The following SCLT1 variants were observed in gnomAD, a reference collection of about 807,000 sequenced individuals.
The protein encoded by SCLT1 is sodium channel and clathrin linker 1, also known as sodium channel-associated protein 1.
A neutral mutation model predicts 112.8 loss-of-function variants in SCLT1; 78 were observed. The observed-to-expected ratio is 0.69, with a 90% CI of 0.58 to 0.83. The LOEUF (loss-of-function observed/expected upper bound fraction) is 0.83. SCLT1 is among the 40% of genes least tolerant of loss of function. The probability of loss-of-function intolerance (pLI) is 0.00; values close to 1 mark genes in which losing one functional copy is unlikely to be tolerated. For synonymous variants in SCLT1, 257 were observed against 254.7 expected (o/e 1.01, Z -0.09); for missense variants, 747 against 770.4 (o/e 0.97, Z 0.36).
At position 128,948,580 on chromosome 4, in the gene SCLT1, C is replaced by T. The variant is rs1474929767; in HGVS notation, c.1219-10G>A. Reference sequence around the variant, plus strand: ...GTTTTTCAGCACACTCCTATAAATTCAAGTCATATTGTAAATATATACATT... The same window carrying T: ...GTTTTTCAGCACACTCCTATAAATTTAAGTCATATTGTAAATATATACATT... On this transcript the variant is annotated splice_polypyrimidine_tract_variant and intron_variant, in intron 14 of 20. Coordinates refer to ENST00000281142, the MANE Select transcript of SCLT1 (RefSeq NM_144643.4). 1 of 1,582,944 alleles carries T rather than the reference C, an allele frequency of 6.3e-7. No homozygotes were observed. Among genetic ancestry groups the T allele is most frequent in the Non-Finnish European group, 8.7e-7 (1 of 1,155,744 alleles).
At chr4:129,066,095 C>T (rs998563490) in intron 2 of SCLT1, among the ~76,000 whole-genome samples, 2 of 151,906 alleles carry the variant, frequency 1.3e-5, no homozygotes, top group African/African-American at 4.8e-5. Context: ...ATGTGAGAGG[C>T]TCATATATGC....
intron 13 of SCLT1, among the ~76,000 whole-genome samples, chr4:128,954,707 CAGAT>C (rs1183561544): frequency 6.6e-6 from 1 of 152,082 alleles, no homozygotes; most frequent in Non-Finnish European, 1.5e-5. Flanking sequence ...GTAACAATAA[CAGAT>C]AGAATTTATT....
chr4:129,079,339 A>C (rs576522395), intron 2 of SCLT1, among the ~76,000 whole-genome samples: 1 of 152,340 alleles, frequency 6.6e-6, no homozygotes, highest in South Asian at 2.1e-4. Context: ...AATAAAAAAC[A>C]AGTTAGTTAC....
intron 5 of SCLT1, among the ~76,000 whole-genome samples, chr4:129,025,488 A>C (rs1466523893): frequency 3.5e-4 from 54 of 152,164 alleles, no homozygotes; most frequent in Admixed American, 5.2e-4. Flanking sequence ...CCTTTACAGA[A>C]AAGCAAATGC....
intron 18 of SCLT1, among the ~76,000 whole-genome samples, chr4:128,923,067 T>A (rs1050611793): frequency 6.6e-6 from 1 of 152,136 alleles, no homozygotes; most frequent in African/African-American, 2.4e-5. Context: ...GATATAATTG[T>A]GGGAAATAAG....
At chr4:128,892,493 C>G (rs1357396731) in intron 18 of SCLT1, among the ~76,000 whole-genome samples, 1 of 152,136 alleles carries the variant, frequency 6.6e-6, no homozygotes, top group African/African-American at 2.4e-5. Context: ...AACAGATTAG[C>G]ACTTCCAAAA....
At chr4:128,985,697 T>G (rs901461614) in intron 9 of SCLT1, among the ~76,000 whole-genome samples, 4 of 152,218 alleles carry the variant, frequency 2.6e-5, no homozygotes, top group African/African-American at 9.7e-5. Context: ...TAAAGAAATC[T>G]TTTCCTTTTT....
intron 2 of SCLT1, among the ~76,000 whole-genome samples, chr4:129,053,887 G>A (rs1486715801): frequency 2.0e-5 from 3 of 152,090 alleles, no homozygotes; most frequent in African/African-American, 7.2e-5. Flanking sequence ...TGCAGTGCCT[G>A]TCACCAGTTT....
chr4:128,972,947 A>T (rs553633770), intron 9 of SCLT1, among the ~76,000 whole-genome samples: 2 of 152,330 alleles, frequency 1.3e-5, no homozygotes, highest in Admixed American at 1.3e-4. Context: ...ATATAAGGCC[A>T]GTCAACATCT....
intron 12 of SCLT1, among the ~76,000 whole-genome samples, chr4:128,959,051 T>G (rs948909879): frequency 6.6e-6 from 1 of 152,186 alleles, no homozygotes; most frequent in East Asian, 1.9e-4. Context: ...GTTTTGTGAC[T>G]TCAATAAACT....
intron 15 of SCLT1, among the ~76,000 whole-genome samples, chr4:128,946,404 T>TA (rs34010315): frequency 6.6e-6 from 1 of 152,082 alleles, no homozygotes; most frequent in East Asian, 1.9e-4. Context: ...CCCTGTCATC[T>TA]AAAAAAAGTA....
At chr4:128,985,684 A>T (rs1742028250) in intron 9 of SCLT1, among the ~76,000 whole-genome samples, 1 of 152,218 alleles carries the variant, frequency 6.6e-6, no homozygotes, top group Non-Finnish European at 1.5e-5. Context: ...TAACATATAC[A>T]AGTAAAGAAA....
chr4:128,876,341 C>T (rs1475231172), intron 4 of SCLT1, among the ~76,000 whole-genome samples: 1 of 152,130 alleles, frequency 6.6e-6, no homozygotes, highest in Non-Finnish European at 1.5e-5. Context: ...ATTCTTCCTA[C>T]AAGGTCTTAA....
At chr4:129,013,310 C>T (rs748958413) in intron 5 of SCLT1, among the ~76,000 whole-genome samples, 17 of 152,180 alleles carry the variant, frequency 1.1e-4, no homozygotes, top group Non-Finnish European at 2.1e-4. Context: ...AGCCCATTTA[C>T]ATTCAAGGTT....
At chr4:129,044,406 A>G (rs926485311) in intron 2 of SCLT1, among the ~76,000 whole-genome samples, 5 of 152,030 alleles carry the variant, frequency 3.3e-5, no homozygotes, top group Admixed American at 6.6e-5. Flanking sequence ...ATAATCTACC[A>G]ATTATTAGAA....
At chr4:129,084,738 T>C (rs1224811506) in intron 1 of SCLT1, among the ~76,000 whole-genome samples, 1 of 152,106 alleles carries the variant, frequency 6.6e-6, no homozygotes, top group Non-Finnish European at 1.5e-5. Flanking sequence ...AACTATCTGA[T>C]CTTCAACAAA....
intron 5 of SCLT1, among the ~76,000 whole-genome samples, chr4:129,029,469 T>C (rs1345295151): frequency 5.5e-5 from 8 of 146,080 alleles, no homozygotes; most frequent in Non-Finnish European, 1.0e-4. Context: ...TAGGTGGGAA[T>C]TGAACAATGA....
At chr4:129,062,913 C>G (rs546867354) in intron 2 of SCLT1, among the ~76,000 whole-genome samples, 1 of 152,306 alleles carries the variant, frequency 6.6e-6, no homozygotes, top group South Asian at 2.1e-4. Context: ...TTATGTCTGA[C>G]GTCCAGACGT....
At chr4:129,027,864 T>A (rs929505586) in intron 5 of SCLT1, among the ~76,000 whole-genome samples, 7 of 152,050 alleles carry the variant, frequency 4.6e-5, no homozygotes, top group Non-Finnish European at 1.0e-4. Context: ...AAATCACAAG[T>A]ATTCTTATAC....
Sources: gnomAD v4.1 joint callset for allele counts (sites outside exome capture counted in the v4.1 genomes callset) on GRCh38, gnomAD v4.1.1 for gene constraint, MANE v1.5 for transcripts, NCBI Gene and HGNC (gene_info 2026-07-23, HGNC 2026-07-21) for gene names.